The following ESPN variants were observed in gnomAD, a reference collection of about 807,000 sequenced individuals.
ESPN encodes espin, also known as autosomal recessive deafness type 36 protein.
A neutral mutation model predicts 77.7 loss-of-function variants in ESPN; 68 were observed. The observed-to-expected ratio is 0.87, with a 90% CI of 0.72 to 1.07. The LOEUF is 1.07. ESPN is among the 50% of genes least tolerant of loss of function. ESPN has a pLI of 0.00. For missense variants in ESPN, 1,060 were observed against 1,239.0 expected (o/e 0.86, Z 2.17); for synonymous variants, 449 against 567.1 (o/e 0.79, Z 2.96).
chr1:6,449,122 C>T (rs1643903853), intron 8 of ESPN, 31 bp downstream of exon 8: 2 of 1,452,348 alleles, frequency 1.4e-6, no homozygotes, highest in Non-Finnish European at 1.8e-6. Context: ...GGGCGTGGGG[C>T]GGCGCTAGCC....
intron 2 of ESPN, among the ~76,000 whole-genome samples, chr1:6,431,336 C>T (rs371126505): frequency 1.3e-5 from 2 of 152,250 alleles, no homozygotes; most frequent in Admixed American, 6.5e-5. Flanking sequence ...GGGCTGGGTA[C>T]GGTGGCTCAT....
At chr1:6,454,428 C>T in intron 10 of ESPN, 1 of 398,964 alleles carries the variant, frequency 2.5e-6, no homozygotes, top group East Asian at 3.6e-5. Context: ...GTCTTCCCCG[C>T]CTTAGCTGAC....
chr1:6,447,101 A>T lies in ESPN; in HGVS notation c.1464+1166A>T, dbSNP rs1482716230. Reference sequence around the variant, plus strand: ...GTGCCCCGTCTCCACCGTTGAGCCCAAGTGCCAGGTCTGCGTGGTCCCCTC... The same window carrying T: ...GTGCCCCGTCTCCACCGTTGAGCCCTAGTGCCAGGTCTGCGTGGTCCCCTC... On this transcript the variant is annotated intron_variant, in intron 7 of 12. Coordinates refer to ENST00000645284, the MANE Select transcript of ESPN (RefSeq NM_031475.3). This position sits in a 1 kb window ranked among gnomAD's most constrained non-coding sequence, Gnocchi z 5.2. 6.5e-6 allele frequency: 1 copy of T among 152,698 alleles called. No homozygotes were observed. The highest frequency in any genetic ancestry group is 1.9e-4 in the East Asian group (1 of 5,208). The allele number at this position is 152,698 out of a possible 1,614,324, so 9.5% of individuals were successfully genotyped here.
intron 2 of ESPN, chr1:6,430,016 G>A (rs1643183375): frequency 6.5e-6 from 1 of 153,226 alleles, no homozygotes; most frequent in African/African-American, 2.4e-5. Context: ...GCTCACGCAG[G>A]AGGGGCAGCT....
chr1:6,444,706 G>A (rs775364764), intron 6 of ESPN, 24 bp downstream of exon 6: 13 of 1,613,576 alleles, frequency 8.1e-6, no homozygotes, highest in South Asian at 4.4e-5. Flanking sequence ...GGAGGAAGAC[G>A]GGGAGGGAGA....
chr1:6,438,295 A>G (rs1643506226), intron 2 of ESPN, among the ~76,000 whole-genome samples: 1 of 152,210 alleles, frequency 6.6e-6, no homozygotes, highest in South Asian at 2.1e-4. Context: ...CCCAGGCACA[A>G]GGAAGGATCC....
intron 7 of ESPN, chr1:6,446,948 A>T (rs2148529812): frequency 6.6e-6 from 1 of 152,312 alleles, no homozygotes; most frequent in East Asian, 1.9e-4. Context: ...TCTTCATGCC[A>T]CCTTAGACCA....
rs551028670 is a variant in ESPN, at chr1:6,459,520, A to G, written c.2418-479A>G. Among the ~76,000 whole-genome samples the G allele has an allele frequency of 5.1e-4, 78 of 152,222 alleles. 1 individual carries two copies. In the South Asian group the frequency reaches 0.016, roughly 31 times the overall value. ...CAGCAGCCACATGTGCTTAGTGACT[A>G]CTCTGTCAACAGGCAGATCTACCCT... On this transcript the variant is annotated intron_variant, in intron 12 of 12. Coordinates refer to ENST00000645284, the MANE Select transcript of ESPN (RefSeq NM_031475.3).
chr1:6,456,222 T>C (rs1644055822), intron 10 of ESPN: 1 of 396,470 alleles, frequency 2.5e-6, no homozygotes, highest in Non-Finnish European at 4.5e-6. Context: ...AATTCTCAGT[T>C]CACCCTCGAG....
intron 5 of ESPN, 115 bp from the exon 6 acceptor site, chr1:6,444,366 C>A: frequency 1.0e-6 from 1 of 955,976 alleles, no homozygotes; most frequent in Non-Finnish European, 1.7e-6. Context: ...CCCCAGAGAG[C>A]GGTGTGGCTT....
Position 6,425,120 on chromosome 1 carries a change from G to T in ESPN, c.165G>T (p.Leu55=), listed in dbSNP as rs1309509007. 1 of 1,509,030 alleles carries T rather than the reference G, an allele frequency of 6.6e-7. No homozygotes were observed. The highest frequency in any genetic ancestry group is 8.8e-7 in the Non-Finnish European group (1 of 1,136,850). The allele number at this position is 1,509,030 out of a possible 1,614,324, so 93.5% of individuals were successfully genotyped here. A position where few individuals can be genotyped will look rare whatever the true frequency, so the allele number is the denominator to read the frequency against. ...GGAAGCTGCACTGTCTGCGCTTCCT[G>T]GTGGAGGAAGCCGCCCTCCCCGCCG... ...RAGKLHCLRF[L]VEEAALPAAA... The change falls in exon 1 of 13, where the codon CTG becomes CTT. Residue 55 remains leucine (L), a synonymous_variant. Transcript: ENST00000645284.
rs77656032 is a variant in ESPN at position 6,448,652 on chromosome 1, T to C, written c.1476T>C (p.Cys492=). Residue 492 remains cysteine, a synonymous_variant, in exon 8 of 13, where the codon TGT becomes TGC. Coordinates refer to ENST00000645284, the MANE Select transcript of ESPN (RefSeq NM_031475.3). ...CTGTCTTCCCGCAGCTGAGCTCCTGTGACGGCCACGACGGGCTGCGGAGGC... is the reference window on the plus strand; with the variant it reads ...CTGTCTTCCCGCAGCTGAGCTCCTGCGACGGCCACGACGGGCTGCGGAGGC... The part of the protein sequence containing the change: ...TEALKKELSS[C]DGHDGLRRQD... 141,382 of 1,561,408 alleles carry C rather than the reference T, an allele frequency of 0.091. 16,557 individuals are homozygous for C. The highest frequency in any genetic ancestry group is 0.59 in the African/African-American group (42,984 of 72,276).
intron 10 of ESPN, chr1:6,455,818 G>A (rs1405215873): frequency 5.0e-6 from 2 of 398,842 alleles, no homozygotes; most frequent in Non-Finnish European, 8.9e-6. Context: ...CGGCGCGGCT[G>A]GAGCGACGGC....
rs928387473 is a variant in ESPN, at chr1:6,447,637, C to G, written c.1465-1004C>G. ...GTGGGAAGCCACGCTGTCACCCGAC[C>G]CCGCCTTACGGCCCCTGAAATCCGA... On this transcript the variant is annotated intron_variant, in intron 7 of 12. Transcript: ENST00000645284. The surrounding 1 kb of genome is among the most constrained non-coding windows in gnomAD (Gnocchi z 5.2). Among the ~76,000 whole-genome samples the G allele has an allele frequency of 5.3e-5, 8 of 152,186 alleles. No homozygotes were observed. Among genetic ancestry groups the G allele is most frequent in the Non-Finnish European group, 8.8e-5 (6 of 68,024 alleles).
In ESPN at chr1:6,440,394, T is replaced by G. The variant is rs776316859; in HGVS notation, c.629T>G (p.Leu210Arg). The change falls in exon 3 of 13, where the codon CTG (leucine) becomes CGG (arginine). Residue 210 changes from leucine (L) to arginine (R), a missense_variant. By Grantham distance (102) the Leu-to-Arg change is moderately radical. Coordinates refer to ENST00000645284, the MANE Select transcript of ESPN (RefSeq NM_031475.3). ...HARAHDGMTP[L>R]HAAAQMGHSP... ...CGCGCCCACGACGGCATGACCCCGCTGCACGCCGCGGCGCAGATGGGCCAC... is the reference window on the plus strand; with the variant it reads ...CGCGCCCACGACGGCATGACCCCGCGGCACGCCGCGGCGCAGATGGGCCAC... 3.8e-6 allele frequency: 6 copies of G among 1,585,586 alleles called. No individual in the cohort carries two copies. Among genetic ancestry groups the G allele is most frequent in the Non-Finnish European group, 5.1e-6 (6 of 1,167,556 alleles).
intron 2 of ESPN, among the ~76,000 whole-genome samples, chr1:6,438,908 C>T (rs4908551): frequency 0.24 from 36,280 of 152,186 alleles, 6,393 homozygotes; most frequent in African/African-American, 0.5. Context: ...GCTCAGGAGT[C>T]CGAGACTAGC....
chr1:6,425,021 C>A lies in ESPN; in HGVS notation c.66C>A (p.His22Gln). ...QGELDVLRSL[H>Q]AAGLLGPSLR... ...AGCTGGACGTGCTGAGGTCGCTGCA[C>A]GCCGCAGGCCTCCTGGGGCCCTCGC... The change falls in exon 1 of 13, where the codon CAC becomes CAA. Residue 22 changes from histidine to glutamine, a missense_variant. Coordinates refer to ENST00000645284, the MANE Select transcript of ESPN (RefSeq NM_031475.3). 6.8e-7 allele frequency: 1 copy of A among 1,465,300 alleles called. No homozygotes were observed. Among genetic ancestry groups the A allele is most frequent in the African/African-American group, 1.5e-5 (1 of 67,918 alleles). The allele number at this position is 1,465,300 out of a possible 1,614,324, so 90.8% of individuals were successfully genotyped here. A position where few individuals can be genotyped will look rare whatever the true frequency, so the allele number is the denominator to read the frequency against.
intron 2 of ESPN, among the ~76,000 whole-genome samples, chr1:6,434,019 G>C (rs1229814050): frequency 6.6e-6 from 1 of 152,190 alleles, no homozygotes; most frequent in Non-Finnish European, 1.5e-5. Flanking sequence ...TCCTGCCTTA[G>C]CCTACCGAGT....
chr1:6,457,465 C>G, intron 12 of ESPN, 93 bp downstream of exon 12: 2 of 1,488,334 alleles, frequency 1.3e-6, no homozygotes, highest in Non-Finnish European at 1.9e-6. Context: ...AGTACATCCT[C>G]CTGTCTCTTG....
Sources: allele counts gnomAD v4.1 joint callset (sites outside exome capture counted in the v4.1 genomes callset), GRCh38; gene constraint gnomAD v4.1.1; non-coding constraint Gnocchi (gnomAD v3.1); transcripts MANE v1.5; gene names NCBI Gene and HGNC (gene_info 2026-07-23, HGNC 2026-07-21).